GLO1: variants seen among roughly 807,000 people sequenced by gnomAD.
The protein encoded by GLO1 is lactoylglutathione lyase.
GLO1 carries 28 observed loss-of-function variants against 26.0 expected under a neutral mutation model. The ratio of observed to expected loss-of-function variants is 1.08; its 90% CI spans 0.80 to 1.48. GLO1 has a LOEUF of 1.48. GLO1 is among the 40% of genes most tolerant of loss of function. The probability of loss-of-function intolerance (pLI) is 0.00; values close to 1 mark genes in which losing one functional copy is unlikely to be tolerated. For missense variants in GLO1, 225 were observed against 224.8 expected, an observed-to-expected ratio of 1.00 and a Z score of -0.01; for synonymous variants, 78 against 77.6, an observed-to-expected ratio of 1.00 and a Z score of -0.03.
intron 1 of GLO1, 26 bp from the exon 2 acceptor site, chr6:38,687,000 A>G: frequency 6.4e-7 from 1 of 1,556,620 alleles, no homozygotes; most frequent in Non-Finnish European, 8.8e-7. Context: ...TATATTAAAC[A>G]TCTTTCACTT....
chr6:38,699,532 T>C (rs185060191), intron 1 of GLO1, among the ~76,000 whole-genome samples: 58 of 152,272 alleles, frequency 3.8e-4, no homozygotes, highest in African/African-American at 1.3e-3. Flanking sequence ...AGAGAGCCTA[T>C]AAACGGACGT....
At chr6:38,687,174 G>A in intron 1 of GLO1, 200 bp from the exon 2 acceptor site, 2 of 824,634 alleles carry the variant, frequency 2.4e-6, no homozygotes, top group Non-Finnish European at 2.9e-6. Context: ...TCCACTGCAG[G>A]AATGACCTTC....
At position 38,687,007 on chromosome 6, in the gene GLO1, A is replaced by G. The variant is rs753455968; in HGVS notation, c.85-33T>C. Reference sequence around the variant, plus strand: ...AAAATATTTATATTAAACATCTTTCACTTTTACCATTTATTACCAACATTA... The same window carrying G: ...AAAATATTTATATTAAACATCTTTCGCTTTTACCATTTATTACCAACATTA... On this transcript the variant is annotated intron_variant, in intron 1 of 5. Coordinates refer to ENST00000373365, the MANE Select transcript of GLO1 (RefSeq NM_006708.3). 3.2e-6 allele frequency: 5 copies of G among 1,550,072 alleles called. No individual in the cohort carries two copies. The African/African-American group carries it at 6.9e-5, about 21-fold the overall frequency.
intron 2 of GLO1, 55 bp from the exon 3 acceptor site, chr6:38,684,569 T>C: frequency 8.5e-7 from 1 of 1,180,768 alleles, no homozygotes; most frequent in Non-Finnish European, 1.1e-6. Flanking sequence ...GGCTAATTCA[T>C]ACTATAATCA....
intron 1 of GLO1, among the ~76,000 whole-genome samples, chr6:38,690,492 G>C (rs1761514349): frequency 6.6e-6 from 1 of 152,128 alleles, no homozygotes; most frequent in Admixed American, 6.5e-5. Flanking sequence ...GGTATACTAA[G>C]TCTAATGGCA....
rs1482144010 is a variant in GLO1, at chr6:38,677,017, A to G, written c.*278T>C. 6.7e-6 allele frequency: 2 copies of G among 299,158 alleles called. No homozygotes were observed. The highest frequency in any genetic ancestry group is 1.2e-5 in the Non-Finnish European group (2 of 164,694). 18.5% of individuals were successfully genotyped at this position (299,158 alleles called of 1,614,324 possible). A position where few individuals can be genotyped will look rare whatever the true frequency, so the allele number is the denominator to read the frequency against. ...GGAAGTAATATTTAGGTGGCAGAAG[A>G]AGGCAAATGCAGCCTCTGAAGGGAA... On this transcript the variant is annotated 3_prime_UTR_variant, in exon 6 of 6. Transcript: ENST00000373365.
At chr6:38,680,066 T>A (rs766548019) in intron 5 of GLO1, among the ~76,000 whole-genome samples, 2 of 152,016 alleles carry the variant, frequency 1.3e-5, no homozygotes, top group Admixed American at 6.5e-5. Context: ...CAAAGGAACA[T>A]GAATTGACAG....
chr6:38,690,499 G>A (rs1275360826), intron 1 of GLO1, among the ~76,000 whole-genome samples: 1 of 151,966 alleles, frequency 6.6e-6, no homozygotes, highest in Non-Finnish European at 1.5e-5. Context: ...TAAGTCTAAT[G>A]GCATGGGAAT....
At chr6:38,693,714 G>C (rs140009636) in intron 1 of GLO1, among the ~76,000 whole-genome samples, 1 of 111,844 alleles carries the variant, frequency 8.9e-6, no homozygotes. Context: ...TATTTGTTTT[G>C]TTTTGTTTTG....
chr6:38,689,168 A>T (rs1761498735), intron 1 of GLO1, among the ~76,000 whole-genome samples: 1 of 152,214 alleles, frequency 6.6e-6, no homozygotes, highest in Non-Finnish European at 1.5e-5. Flanking sequence ...TCAGGGAACA[A>T]TCTAAATGGA....
At chr6:38,699,192 G>A (rs1761656303) in intron 1 of GLO1, among the ~76,000 whole-genome samples, 1 of 152,182 alleles carries the variant, frequency 6.6e-6, no homozygotes, top group South Asian at 2.1e-4. Flanking sequence ...GGGACCAGCT[G>A]GAGCTGTGGC....
intron 1 of GLO1, among the ~76,000 whole-genome samples, chr6:38,693,593 C>T (rs1761560590): frequency 6.6e-6 from 1 of 151,448 alleles, no homozygotes; most frequent in South Asian, 2.1e-4. Flanking sequence ...ATAATGTATG[C>T]AGTCAGTGCT....
intron 5 of GLO1, among the ~76,000 whole-genome samples, chr6:38,681,241 T>C (rs962373590): frequency 6.6e-6 from 1 of 152,128 alleles, no homozygotes; most frequent in African/African-American, 2.4e-5. Context: ...TTTTTCTATT[T>C]TTGGTAGAGA....
intron 1 of GLO1, among the ~76,000 whole-genome samples, chr6:38,688,731 G>C (rs1029650541): frequency 6.6e-6 from 1 of 152,200 alleles, no homozygotes; most frequent in Non-Finnish European, 1.5e-5. Flanking sequence ...GCAGTCCCTG[G>C]AGGGAGGTGC....
At chr6:38,684,046 T>C (rs10947755) in intron 3 of GLO1, among the ~76,000 whole-genome samples, 87,910 of 151,894 alleles carry the variant, frequency 0.58, 26,049 homozygotes, top group African/African-American at 0.69. Context: ...CTTGCCTCTA[T>C]GCCTCTACCA....
At chr6:38,681,487 G>C (rs1443148978) in intron 5 of GLO1, among the ~76,000 whole-genome samples, 1 of 152,050 alleles carries the variant, frequency 6.6e-6, no homozygotes, top group Non-Finnish European at 1.5e-5. Context: ...AGTTCAGAAA[G>C]AGATCTAAGT....
intron 5 of GLO1, 88 bp from the exon 6 acceptor site, chr6:38,677,471 C>T: frequency 4.3e-6 from 3 of 703,268 alleles, no homozygotes; most frequent in Non-Finnish European, 7.6e-6. Flanking sequence ...AGGTCTTGCT[C>T]TGAATGTCAG....
At position 38,682,803 on chromosome 6, in the gene GLO1, CT is replaced by C; in HGVS notation, c.376+4del. 6.4e-7 allele frequency: 1 copy of C among 1,558,482 alleles called. No individual in the cohort carries two copies. Among genetic ancestry groups the C allele is most frequent in the Non-Finnish European group, 8.9e-7 (1 of 1,129,636 alleles). The stretch of plus-strand genomic sequence containing the variant: ...CATATATCACATAAAAACAGGCAAA[CT>C]TACCGAATCCTCGAGGGTCTGAATT... On this transcript the variant is annotated splice_donor_region_variant and intron_variant, in intron 4 of 5. Transcript: ENST00000373365.
rs117707770 is a variant in GLO1 at position 38,684,051 on chromosome 6, C to T, written c.308+323G>A. Among the ~76,000 whole-genome samples, 536 of 152,128 alleles carry T rather than the reference C, an allele frequency of 3.5e-3. 17 individuals carry two copies. The East Asian group carries it at 0.066, about 19-fold the overall frequency. Reference sequence around the variant, plus strand: ...ATAGTGAGACCTTGCCTCTATGCCTCTACCAAAAACAAACAAACAAAAACT... The same window carrying T: ...ATAGTGAGACCTTGCCTCTATGCCTTTACCAAAAACAAACAAACAAAAACT... On this transcript the variant is annotated intron_variant, in intron 3 of 5. Transcript: ENST00000373365.
Sources: allele counts gnomAD v4.1 joint callset (sites outside exome capture counted in the v4.1 genomes callset), GRCh38; gene constraint gnomAD v4.1.1; transcripts MANE v1.5; gene names NCBI Gene and HGNC (gene_info 2026-07-23, HGNC 2026-07-21).